The following CDH4 variants were observed in gnomAD, a reference collection of about 807,000 sequenced individuals.
CDH4 encodes cadherin-4.
A neutral mutation model predicts 86.0 loss-of-function variants in CDH4; 33 were observed. The ratio of observed to expected loss-of-function variants is 0.38; its 90% CI spans 0.29 to 0.51. The LOEUF is 0.51. CDH4 is among the 20% of genes least tolerant of loss of function. The pLI, the probability that CDH4 is intolerant of heterozygous loss-of-function variation, is 0.86. For missense variants in CDH4, 1,114 were observed against 1,307.4 expected (o/e 0.85, Z 2.28); for synonymous variants, 555 against 549.4 (o/e 1.01, Z -0.14).
Position 61,784,586 on chromosome 20 carries a change from G to GAACATACCCAA in CDH4, c.576+11404_576+11405insAACATACCCAA, listed in dbSNP as rs1978757621. Among the ~76,000 whole-genome samples the GAACATACCCAA allele has an allele frequency of 3.0e-5, 3 of 101,330 alleles. No homozygotes were observed. In the Admixed American group the frequency reaches 3.2e-4, roughly 11 times the overall value. The allele number at this position is 101,330 out of a possible 152,430, so 66.5% of individuals were successfully genotyped here. Reference sequence around the variant, plus strand: ...AGAGAAATGTAATCCCAGTTCCTCGGGACAGTTCTCCAGGCCCTCCGATAT... The same window carrying GAACATACCCAA: ...AGAGAAATGTAATCCCAGTTCCTCGGAACATACCCAAGACAGTTCTCCAGGCCCTCCGATAT... On this transcript the variant is annotated intron_variant, in intron 4 of 15. Coordinates refer to ENST00000614565, the MANE Select transcript of CDH4 (RefSeq NM_001794.5).
chr20:61,310,117 T>C (rs1259805656), intron 2 of CDH4, among the ~76,000 whole-genome samples: 2 of 152,138 alleles, frequency 1.3e-5, no homozygotes, highest in African/African-American at 4.8e-5. Flanking sequence ...CATGGGAATG[T>C]GGGCTGCAAG....
chr20:61,660,610 G>A (rs553583596), intron 2 of CDH4, among the ~76,000 whole-genome samples: 4 of 152,092 alleles, frequency 2.6e-5, no homozygotes, highest in East Asian at 3.9e-4. Flanking sequence ...TGGACGGGGC[G>A]GTCGTTCCCG....
At chr20:61,920,993 TC>T in intron 9 of CDH4, among the ~76,000 whole-genome samples, 1 of 148,136 alleles carries the variant, frequency 6.8e-6, no homozygotes, top group South Asian at 2.2e-4. Context: ...AAGTGTGGTG[TC>T]GTGATTGCAT....
At chr20:61,865,672 G>A (rs893318969) in intron 6 of CDH4, among the ~76,000 whole-genome samples, 3 of 151,932 alleles carry the variant, frequency 2.0e-5, no homozygotes, top group African/African-American at 7.3e-5. Context: ...GGTTAGTGTA[G>A]ATGATAGCTG....
rs1001425868 is a variant in CDH4, at chr20:61,684,718, G to A, written c.170-58845G>A. Among the ~76,000 whole-genome samples, 3 of 151,918 alleles carry A rather than the reference G, an allele frequency of 2.0e-5. No homozygotes were observed. The highest frequency in any genetic ancestry group is 6.6e-5 in the Admixed American group (1 of 15,256). ...TTTGTGCAAACAGCTCCCAATCCTC[G>A]CCAGCACCTGGGACCTGCCACACCC... On this transcript the variant is annotated intron_variant, in intron 2 of 15. Transcript: ENST00000614565. This position sits in a 1 kb window ranked among gnomAD's most constrained non-coding sequence, Gnocchi z 4.5.
intron 4 of CDH4, among the ~76,000 whole-genome samples, chr20:61,826,962 A>AGTGTGTATGTGTGTGT (rs770422600): frequency 2.1e-5 from 3 of 145,996 alleles, no homozygotes; most frequent in African/African-American, 8.0e-5. Flanking sequence ...AGAAGGGAAA[A>AGTGTGTATGTGTGTGT]GTGTGTGTGT....
chr20:61,522,001 C>T (rs377728614), intron 2 of CDH4, among the ~76,000 whole-genome samples: 3 of 152,224 alleles, frequency 2.0e-5, no homozygotes, highest in African/African-American at 7.2e-5. Context: ...AATTCCCATG[C>T]ATTTGCCAAG....
rs367598329 is a variant in CDH4 at position 61,294,076 on chromosome 20, G to C, written c.169+39139G>C. On this transcript the variant is annotated intron_variant, in intron 2 of 15. Transcript: ENST00000614565. ...TCAGTGTGGGTGGAGCGTCCGCAAG[G>C]ATGCTGGCCTGGCTCTGACCTTCAC... 3.9e-5 allele frequency among the ~76,000 whole-genome samples: 6 copies of C among 152,190 alleles called. No individual in the cohort carries two copies. The South Asian group carries it at 1.2e-3, about 32-fold the overall frequency.
intron 2 of CDH4, among the ~76,000 whole-genome samples, chr20:61,497,740 A>G (rs1229680841): frequency 2.0e-5 from 3 of 152,210 alleles, no homozygotes; most frequent in African/African-American, 7.2e-5. Context: ...TCATGCTGCT[A>G]TAAAGACACA....
chr20:61,719,323 A>G, intron 2 of CDH4: 1 of 354,514 alleles, frequency 2.8e-6, no homozygotes, highest in Non-Finnish European at 5.8e-6. Context: ...CCAAGGTACG[A>G]GTCAGCCACG....
chr20:61,870,579 C>A (rs939325783), intron 6 of CDH4, among the ~76,000 whole-genome samples: 2 of 152,196 alleles, frequency 1.3e-5, no homozygotes, highest in Non-Finnish European at 2.9e-5. Context: ...GGGCCCCTTT[C>A]TGCGACAGGC....
chr20:61,296,708 C>T (rs765414359), intron 2 of CDH4, among the ~76,000 whole-genome samples: 9 of 152,132 alleles, frequency 5.9e-5, no homozygotes, highest in East Asian at 1.9e-4. Flanking sequence ...GTTTGAGAAG[C>T]GTGTTCTGGA....
intron 2 of CDH4, among the ~76,000 whole-genome samples, chr20:61,445,477 T>C (rs1310546349): frequency 6.6e-6 from 1 of 152,156 alleles, no homozygotes; most frequent in Non-Finnish European, 1.5e-5. Flanking sequence ...GGAGTGCAGA[T>C]GATAGGAAGG....
chr20:61,358,618 C>T (rs901657044), intron 2 of CDH4, among the ~76,000 whole-genome samples: 26 of 152,176 alleles, frequency 1.7e-4, no homozygotes, highest in South Asian at 2.1e-4. Context: ...AGAGATATCC[C>T]CGTATTTTAC....
chr20:61,283,817 A>G (rs1431811520), intron 2 of CDH4, among the ~76,000 whole-genome samples: 1 of 152,218 alleles, frequency 6.6e-6, no homozygotes, highest in Non-Finnish European at 1.5e-5. Flanking sequence ...ACACATCTAA[A>G]CGATGTTTCA....
intron 2 of CDH4, chr20:61,370,305 T>G (rs2084833139): frequency 1.3e-5 from 2 of 152,630 alleles, no homozygotes; most frequent in Non-Finnish European, 1.5e-5. Flanking sequence ...GGGCTGGACC[T>G]CTGCATGCCT....
intron 2 of CDH4, among the ~76,000 whole-genome samples, chr20:61,276,983 G>A (rs552859220): frequency 4.6e-5 from 7 of 152,316 alleles, no homozygotes; most frequent in African/African-American, 1.7e-4. Flanking sequence ...AAGTCCAAGT[G>A]CACCATTCCA....
At chr20:61,706,772 T>C (rs2087835618) in intron 2 of CDH4, among the ~76,000 whole-genome samples, 1 of 152,204 alleles carries the variant, frequency 6.6e-6, no homozygotes, top group African/African-American at 2.4e-5. Flanking sequence ...TCACCGGAAC[T>C]GGCTCGGGCA....
At chr20:61,933,255 G>A (rs930705802) in intron 14 of CDH4, 131 bp downstream of exon 14, 29 of 1,175,100 alleles carry the variant, frequency 2.5e-5, no homozygotes, top group Non-Finnish European at 3.5e-5. Context: ...GTGCCAGGCA[G>A]GGGCGCACGG....
Sources: gnomAD v4.1 joint callset for allele counts (sites outside exome capture counted in the v4.1 genomes callset) on GRCh38, gnomAD v4.1.1 for gene constraint, Gnocchi (gnomAD v3.1) non-coding constraint, MANE v1.5 for transcripts, NCBI Gene and HGNC (gene_info 2026-07-23, HGNC 2026-07-21) for gene names.